The following KCNH8 variants were observed in gnomAD, a reference collection of about 807,000 sequenced individuals.
The protein encoded by KCNH8 is potassium voltage-gated channel subfamily H member 8.
KCNH8 carries 70 observed loss-of-function variants against 103.6 expected under a neutral mutation model. The observed-to-expected ratio is 0.68, with a 90% CI of 0.56 to 0.82. The LOEUF (loss-of-function observed/expected upper bound fraction) is 0.82, where lower values mean the gene tolerates loss of function less well. Ranked by LOEUF, KCNH8 falls within the 40% of genes least tolerant of loss-of-function variation. The pLI is 0.00. For missense variants in KCNH8, 1,217 were observed against 1,329.9 expected, an observed-to-expected ratio of 0.92 and a Z score of 1.32; for synonymous variants, 498 against 489.4, an observed-to-expected ratio of 1.02 and a Z score of -0.23.
chr3:19,502,995 A>C (rs1282523310), intron 11 of KCNH8, among the ~76,000 whole-genome samples: 1 of 152,118 alleles, frequency 6.6e-6, no homozygotes, highest in East Asian at 1.9e-4. Context: ...CAGGCAACCT[A>C]CAAAATGGGA....
At chr3:19,273,214 T>C (rs1473200467) in intron 2 of KCNH8, among the ~76,000 whole-genome samples, 2 of 152,236 alleles carry the variant, frequency 1.3e-5, no homozygotes, top group Non-Finnish European at 2.9e-5. Context: ...TAGAGAGGGT[T>C]AACTTAATCC....
At chr3:19,520,440 G>A (rs2068952504) in intron 15 of KCNH8, among the ~76,000 whole-genome samples, 1 of 151,902 alleles carries the variant, frequency 6.6e-6, no homozygotes, top group Non-Finnish European at 1.5e-5. Flanking sequence ...TTTGGATAGT[G>A]CATAAAAACC....
At chr3:19,317,955 A>G (rs898978546) in intron 3 of KCNH8, among the ~76,000 whole-genome samples, 1 of 152,000 alleles carries the variant, frequency 6.6e-6, no homozygotes, top group Non-Finnish European at 1.5e-5. Context: ...TGTTCAACAC[A>G]GTATTAGAAG....
intron 1 of KCNH8, among the ~76,000 whole-genome samples, chr3:19,242,543 A>G (rs1477448678): frequency 1.3e-5 from 2 of 152,198 alleles, no homozygotes. Context: ...CAAAGGGGTT[A>G]TTATTCAGAA....
intron 5 of KCNH8, among the ~76,000 whole-genome samples, chr3:19,371,793 A>G (rs1383497923): frequency 8.6e-5 from 13 of 151,244 alleles, no homozygotes; most frequent in South Asian, 6.3e-4. Flanking sequence ...TTTGTATAAG[A>G]TGTAAGGAAG....
intron 1 of KCNH8, among the ~76,000 whole-genome samples, chr3:19,158,506 T>C (rs112104438): frequency 0.014 from 2,170 of 151,942 alleles, 53 homozygotes; most frequent in African/African-American, 0.05. Flanking sequence ...TTTAATGGAC[T>C]GATCTACAGG....
intron 1 of KCNH8, among the ~76,000 whole-genome samples, chr3:19,149,148 T>C (rs2063103942): frequency 6.6e-6 from 1 of 152,150 alleles, no homozygotes; most frequent in Non-Finnish European, 1.5e-5. Flanking sequence ...GTACCTAATC[T>C]TTCTAGAGTT....
chr3:19,284,976 A>G (rs1324031418), intron 3 of KCNH8, among the ~76,000 whole-genome samples: 4 of 151,840 alleles, frequency 2.6e-5, no homozygotes, highest in African/African-American at 9.7e-5. Context: ...AGGGTAGGCA[A>G]AGTCTTTTTT....
rs1287290212 is a variant in KCNH8, at chr3:19,456,946, C to A, written c.2004C>A (p.Asp668Glu). 1.2e-6 allele frequency: 2 copies of A among 1,612,042 alleles called. No homozygotes were observed. Among genetic ancestry groups the A allele is most frequent in the Non-Finnish European group, 1.7e-6 (2 of 1,178,848 alleles). The change falls in exon 11 of 16, where the codon GAC becomes GAA. Residue 668 changes from aspartate to glutamate, a missense_variant. Asp to Glu is a conservative substitution (Grantham distance 45). Coordinates refer to ENST00000328405, the MANE Select transcript of KCNH8 (RefSeq NM_144633.3). ...AATTCGTGGAAGACATTCAGCATGA[C>A]CTCACATACAACCTCCGAGAAGGTC... ...AHKFVEDIQHDLTYNLREGHE... is the reference protein window; with the variant it reads ...AHKFVEDIQHELTYNLREGHE...
At chr3:19,415,723 TTAATG>T in intron 7 of KCNH8, among the ~76,000 whole-genome samples, 1 of 152,180 alleles carries the variant, frequency 6.6e-6, no homozygotes, top group African/African-American at 2.4e-5. Context: ...TGCCATTTCT[TTAATG>T]CAATGTAAAA....
At chr3:19,434,508 G>C (rs2067168650) in intron 7 of KCNH8, among the ~76,000 whole-genome samples, 4 of 152,274 alleles carry the variant, frequency 2.6e-5, no homozygotes, top group Admixed American at 2.0e-4. Context: ...TGAAGGGGGT[G>C]GAGAAGCTCC....
chr3:19,397,616 A>T (rs2066543423), intron 7 of KCNH8, among the ~76,000 whole-genome samples: 1 of 151,306 alleles, frequency 6.6e-6, no homozygotes, highest in South Asian at 2.1e-4. Context: ...CCATCAGAGG[A>T]TATATTAGAA....
At chr3:19,267,320 T>C (rs2064526140) in intron 2 of KCNH8, among the ~76,000 whole-genome samples, 1 of 152,078 alleles carries the variant, frequency 6.6e-6, no homozygotes, top group Non-Finnish European at 1.5e-5. Context: ...GGGACCACTC[T>C]GAATGTGAAA....
chr3:19,396,743 C>T (rs1024667210), intron 7 of KCNH8, among the ~76,000 whole-genome samples: 8 of 151,920 alleles, frequency 5.3e-5, no homozygotes, highest in African/African-American at 1.9e-4. Flanking sequence ...TTCTATCTTT[C>T]GATATTGTTT....
intron 7 of KCNH8, among the ~76,000 whole-genome samples, chr3:19,395,700 C>A (rs1157525494): frequency 6.6e-6 from 1 of 151,938 alleles, no homozygotes; most frequent in East Asian, 1.9e-4. Flanking sequence ...AAAATGATCA[C>A]TTATATTTGA....
rs372459309 is a variant in KCNH8, at chr3:19,281,297, A to C, written c.410A>C (p.Lys137Thr). 4.4e-5 allele frequency: 71 copies of C among 1,609,562 alleles called. No individual in the cohort carries two copies. The highest frequency in any genetic ancestry group is 5.8e-5 in the Non-Finnish European group (68 of 1,177,860). The change falls in exon 3 of 16, where the codon AAA becomes ACA. Residue 137 changes from lysine (K) to threonine (T), a missense_variant. This residue lies in a region of KCNH8 where 244 missense variants were observed against 256.8 expected (regional missense o/e 0.95). Transcript: ENST00000328405. ...TCGTTCAAAGATATAACAGATACAA[A>C]AGTGAAGATTACTCCAGAAGATAAA... ...LASFKDITDT[K>T]VKITPEDKKE...
chr3:19,467,690 C>T (rs969474746), intron 11 of KCNH8, among the ~76,000 whole-genome samples: 1 of 152,178 alleles, frequency 6.6e-6, no homozygotes, highest in Non-Finnish European at 1.5e-5. Context: ...CCTGCCTCCA[C>T]TTGTATCCTC....
In KCNH8 at chr3:19,437,923, A is replaced by G. The variant is rs545883919; in HGVS notation, c.1178-241A>G. ...TAGAGTAACTTGTTTAGCTTTGACC[A>G]TCAATCCACTCTGGAATTCATATTT... is the stretch of plus-strand genomic sequence containing the variant. On this transcript the variant is annotated intron_variant, in intron 7 of 15. Coordinates refer to ENST00000328405, the MANE Select transcript of KCNH8 (RefSeq NM_144633.3). Among the ~76,000 whole-genome samples, 5 of 152,328 alleles carry G rather than the reference A, an allele frequency of 3.3e-5. No homozygotes were observed. In the South Asian group the frequency reaches 1.0e-3, roughly 32 times the overall value.
intron 3 of KCNH8, among the ~76,000 whole-genome samples, chr3:19,295,338 C>T (rs975507179): frequency 2.0e-5 from 3 of 151,874 alleles, no homozygotes; most frequent in African/African-American, 4.8e-5. Context: ...GAGCTGATAG[C>T]ATGCCACTGT....
Sources: gnomAD v4.1 joint callset for allele counts (sites outside exome capture counted in the v4.1 genomes callset) on GRCh38, gnomAD v4.1.1 for gene constraint, gnomAD v4.1.1 regional missense constraint, MANE v1.5 for transcripts, NCBI Gene and HGNC (gene_info 2026-07-23, HGNC 2026-07-21) for gene names.